Variants in SBF2 observed in about 807,000 individuals in gnomAD.
The protein encoded by SBF2 is SET binding factor 2.
SBF2 carries 112 observed loss-of-function variants against 225.2 expected under a neutral mutation model. The observed-to-expected ratio is 0.50, with a 90% CI of 0.43 to 0.58. The LOEUF is 0.58. Among genes scored for constraint, SBF2 ranks in the 20% least tolerant of loss-of-function variants. The pLI, the probability that SBF2 is intolerant of heterozygous loss-of-function variation, is 0.00. For synonymous variants in SBF2, 763 were observed against 773.3 expected (o/e 0.99, Z 0.22); for missense variants, 1,996 against 2,206.2 (o/e 0.90, Z 1.91).
intron 2 of SBF2, among the ~76,000 whole-genome samples, chr11:10,129,570 T>C (rs1173450007): frequency 6.6e-6 from 1 of 152,184 alleles, no homozygotes; most frequent in Non-Finnish European, 1.5e-5. Context: ...TTGAAAGCAA[T>C]TAATTGGGAA....
At chr11:9,840,774 T>A (rs1413546759) in intron 25 of SBF2, among the ~76,000 whole-genome samples, 2 of 152,188 alleles carry the variant, frequency 1.3e-5, no homozygotes, top group Non-Finnish European at 2.9e-5. Context: ...GAGTTACACT[T>A]TTTTCCTGGA....
chr11:10,106,025 A>G (rs1319853506), intron 2 of SBF2, among the ~76,000 whole-genome samples: 1 of 152,120 alleles, frequency 6.6e-6, no homozygotes, highest in African/African-American at 2.4e-5. Flanking sequence ...GTGTAGTTTT[A>G]TTTTTTATTA....
intron 2 of SBF2, among the ~76,000 whole-genome samples, chr11:10,119,408 A>C (rs1245000972): frequency 6.6e-6 from 1 of 152,196 alleles, no homozygotes; most frequent in African/African-American, 2.4e-5. Context: ...ATAAGCAACA[A>C]ACACTATTCC....
At chr11:9,833,233 T>C (rs939613412) in intron 26 of SBF2, among the ~76,000 whole-genome samples, 1 of 152,170 alleles carries the variant, frequency 6.6e-6, no homozygotes, top group East Asian at 1.9e-4. Context: ...TTTAAAAGAT[T>C]AGCTTATAAA....
chr11:9,881,130 T>A (rs774712023), intron 17 of SBF2, among the ~76,000 whole-genome samples: 1 of 152,218 alleles, frequency 6.6e-6, no homozygotes, highest in Non-Finnish European at 1.5e-5. Context: ...TTTTTGGATA[T>A]AGAATCTCAT....
At chr11:10,194,126 A>G in intron 1 of SBF2, 139 bp from the exon 2 acceptor site, 1 of 712,294 alleles carries the variant, frequency 1.4e-6, no homozygotes, top group Non-Finnish European at 2.5e-6. Flanking sequence ...TTTAAAAAAC[A>G]TGTGAGTATG....
At chr11:9,829,046 G>A (rs1214191908) in intron 28 of SBF2, among the ~76,000 whole-genome samples, 2 of 152,038 alleles carry the variant, frequency 1.3e-5, no homozygotes, top group African/African-American at 2.4e-5. Context: ...AGGCTGAGGC[G>A]GGAAGACTGC....
intron 21 of SBF2, 66 bp from the exon 22 acceptor site, chr11:9,850,284 C>A: frequency 6.8e-7 from 1 of 1,477,118 alleles, no homozygotes; most frequent in South Asian, 1.1e-5. Context: ...GAGACAGGGT[C>A]TTGCTCTGTT....
At chr11:9,878,255 G>A (rs1178030670) in intron 17 of SBF2, among the ~76,000 whole-genome samples, 3 of 151,942 alleles carry the variant, frequency 2.0e-5, no homozygotes, top group Non-Finnish European at 2.9e-5. Context: ...TTTTTTTCTC[G>A]TAAATTTCTT....
chr11:10,265,423 G>GAAAA (rs1249665810), intron 1 of SBF2, among the ~76,000 whole-genome samples: 2 of 130,552 alleles, frequency 1.5e-5, no homozygotes, highest in African/African-American at 5.9e-5. Flanking sequence ...CCCACTTTTT[G>GAAAA]ATGGGGTTGT....
intron 13 of SBF2, among the ~76,000 whole-genome samples, chr11:9,983,319 T>C (rs1334497246): frequency 1.3e-5 from 2 of 152,186 alleles, no homozygotes; most frequent in South Asian, 2.1e-4. Flanking sequence ...TCCCCCACTT[T>C]CCTGACAACT....
intron 17 of SBF2, among the ~76,000 whole-genome samples, chr11:9,863,373 A>G (rs1255605796): frequency 6.6e-6 from 1 of 152,232 alleles, no homozygotes; most frequent in Non-Finnish European, 1.5e-5. Context: ...AGGGAAAACC[A>G]GATTTCAGGA....
intron 38 of SBF2, chr11:9,782,925 A>T (rs1852122186): frequency 6.6e-6 from 1 of 152,122 alleles, no homozygotes; most frequent in African/African-American, 2.4e-5. Context: ...CTGCTAGGGA[A>T]TAAGCCTTAT....
chr11:10,099,872 A>G (rs1952199886), intron 2 of SBF2, among the ~76,000 whole-genome samples: 1 of 152,164 alleles, frequency 6.6e-6, no homozygotes, highest in Non-Finnish European at 1.5e-5. Context: ...ATAGAAAGAA[A>G]TCAAAGTATG....
intron 2 of SBF2, among the ~76,000 whole-genome samples, chr11:10,172,929 A>C (rs1282453128): frequency 6.6e-6 from 1 of 152,184 alleles, no homozygotes; most frequent in Non-Finnish European, 1.5e-5. Context: ...TGGCCTCCCA[A>C]AGTGCTGGGA....
intron 24 of SBF2, 65 bp downstream of exon 24, chr11:9,845,500 T>C (rs1366326207): frequency 7.9e-6 from 11 of 1,396,046 alleles, no homozygotes; most frequent in Admixed American, 3.4e-5. Flanking sequence ...ACACAAAGGA[T>C]AGGTTACTCC....
chr11:10,243,114 T>C (rs1393575947), intron 1 of SBF2, among the ~76,000 whole-genome samples: 2 of 152,078 alleles, frequency 1.3e-5, no homozygotes, highest in African/African-American at 2.4e-5. Context: ...TATAAGAAGT[T>C]TGAAATAATT....
chr11:10,049,344 C>T (rs190998849), intron 2 of SBF2, among the ~76,000 whole-genome samples: 37 of 152,222 alleles, frequency 2.4e-4, no homozygotes, highest in South Asian at 4.1e-4. Flanking sequence ...CGATGGCTCA[C>T]GCCTGTAACC....
intron 1 of SBF2, among the ~76,000 whole-genome samples, chr11:10,241,353 A>G (rs1305292398): frequency 2.6e-5 from 4 of 152,112 alleles, no homozygotes; most frequent in Non-Finnish European, 5.9e-5. Flanking sequence ...GACTGTCTCA[A>G]AAAAAAGAGA....
Sources: gnomAD v4.1 joint callset for allele counts (sites outside exome capture counted in the v4.1 genomes callset) on GRCh38, gnomAD v4.1.1 for gene constraint, MANE v1.5 for transcripts, NCBI Gene and HGNC (gene_info 2026-07-23, HGNC 2026-07-21) for gene names.